CALN1: variants seen among roughly 807,000 people sequenced by gnomAD.
CALN1 encodes the protein calneuron 1.
CALN1 carries 17 observed loss-of-function variants against 30.6 expected under a neutral mutation model. The ratio of observed to expected loss-of-function variants is 0.56; its 90% CI spans 0.38 to 0.83. The LOEUF (loss-of-function observed/expected upper bound fraction) is 0.83, where lower values mean the gene tolerates loss of function less well. Among genes scored for constraint, CALN1 ranks in the 40% least tolerant of loss-of-function variants. CALN1 has a pLI of 0.00. For synonymous variants in CALN1, 156 were observed against 131.4 expected (o/e 1.19, Z -1.28); for missense variants, 291 against 354.9 (o/e 0.82, Z 1.45).
chr7:72,194,655 G>C (rs903951600), intron 3 of CALN1, among the ~76,000 whole-genome samples: 1 of 140,952 alleles, frequency 7.1e-6, no homozygotes, highest in Non-Finnish European at 1.5e-5. Context: ...GCAGTGGCAC[G>C]ATCTTGGCTC....
intron 3 of CALN1, among the ~76,000 whole-genome samples, chr7:72,180,097 A>T (rs1042726511): frequency 6.6e-6 from 1 of 152,196 alleles, no homozygotes; most frequent in Non-Finnish European, 1.5e-5. Flanking sequence ...CTTGTCGCAG[A>T]AACCGTGTCA....
At chr7:72,483,348 G>A in the CALN1 span, among the ~76,000 whole-genome samples, 1 of 143,912 alleles carries the variant, frequency 6.9e-6, no homozygotes, top group Non-Finnish European at 1.5e-5. Flanking sequence ...GCAGTGGCAC[G>A]ATCTCAGCTC....
At chr7:72,421,698 C>T (rs187257271) in intron 1 of CALN1, among the ~76,000 whole-genome samples, 13 of 151,246 alleles carry the variant, frequency 8.6e-5, no homozygotes, top group South Asian at 6.3e-4. Flanking sequence ...GTGGTTCTCC[C>T]GCCTCAGCCT....
intron 2 of CALN1, among the ~76,000 whole-genome samples, chr7:72,390,883 C>CA (rs1300041974): frequency 1.3e-5 from 2 of 152,144 alleles, no homozygotes; most frequent in African/African-American, 2.4e-5. Flanking sequence ...GTTGTTACCT[C>CA]AAGTATTCTA....
At chr7:72,094,250 T>C (rs922643724) in intron 4 of CALN1, among the ~76,000 whole-genome samples, 18 of 151,550 alleles carry the variant, frequency 1.2e-4, no homozygotes, top group East Asian at 2.0e-4. Flanking sequence ...GCTGCTCTTA[T>C]TGAAATAGGT....
intron 5 of CALN1, among the ~76,000 whole-genome samples, chr7:71,896,889 T>C (rs1441399836): frequency 1.3e-5 from 2 of 152,116 alleles, no homozygotes; most frequent in African/African-American, 2.4e-5. Flanking sequence ...GGGAGGAGGG[T>C]TCTCTTCTGC....
At chr7:72,431,427 C>T (rs1163521461) in intron 1 of CALN1, among the ~76,000 whole-genome samples, 1 of 152,182 alleles carries the variant, frequency 6.6e-6, no homozygotes, top group Non-Finnish European at 1.5e-5. Context: ...TGTACACCCA[C>T]ATGCACACAC....
chr7:71,863,612 C>T (rs147010246), intron 5 of CALN1, among the ~76,000 whole-genome samples: 190 of 147,792 alleles, frequency 1.3e-3, no homozygotes, highest in African/African-American at 4.5e-3. Context: ...CAACAAAACA[C>T]CCATACAAGC....
At position 71,902,950 on chromosome 7, in the gene CALN1, T is replaced by C. The variant is rs1025073862; in HGVS notation, c.502-92458A>G. Among the ~76,000 whole-genome samples the C allele has an allele frequency of 4.5e-4, 68 of 151,844 alleles. 1 individual carries two copies. The highest frequency in any genetic ancestry group is 4.5e-3 in the Admixed American group (68 of 15,240). ...ATACACATGGACATAGAGAGTAGAA[T>C]AGTAGACATTGGAAGCTTGGAAGGG... On this transcript the variant is annotated intron_variant, in intron 5 of 6. Transcript: ENST00000395275.
At chr7:72,409,733 T>G (rs570702183) in intron 1 of CALN1, among the ~76,000 whole-genome samples, 1 of 151,974 alleles carries the variant, frequency 6.6e-6, no homozygotes, top group Non-Finnish European at 1.5e-5. Flanking sequence ...GGTTAAATGG[T>G]TTTTAGCCTC....
At chr7:72,271,697 G>T (rs1368039301) in intron 3 of CALN1, among the ~76,000 whole-genome samples, 1 of 150,086 alleles carries the variant, frequency 6.7e-6, no homozygotes, top group Non-Finnish European at 1.5e-5. Context: ...GGGTACCAAG[G>T]CAGTGATGGA....
chr7:72,366,497 T>C (rs1032582153), intron 2 of CALN1, among the ~76,000 whole-genome samples: 6 of 150,926 alleles, frequency 4.0e-5, no homozygotes, highest in Non-Finnish European at 8.8e-5. Flanking sequence ...TTTCCAAAAA[T>C]TTCAATAGCT....
At chr7:71,805,069 ATCTTT>A (rs2116116833) in intron 6 of CALN1, among the ~76,000 whole-genome samples, 1 of 152,308 alleles carries the variant, frequency 6.6e-6, no homozygotes, top group Middle Eastern at 3.4e-3. Context: ...GCATTTTGAA[ATCTTT>A]TCCATGCTCC....
intron 5 of CALN1, among the ~76,000 whole-genome samples, chr7:71,934,467 C>G (rs1795725776): frequency 6.6e-6 from 1 of 152,170 alleles, no homozygotes; most frequent in African/African-American, 2.4e-5. Flanking sequence ...TACTTGGCTT[C>G]TGGTGAGACC....
intron 1 of CALN1, among the ~76,000 whole-genome samples, chr7:72,435,738 C>T (rs572608679): frequency 1.3e-5 from 2 of 152,252 alleles, no homozygotes; most frequent in Admixed American, 6.5e-5. Flanking sequence ...TGCACACAGG[C>T]GAAAATCAGT....
chr7:72,499,825 C>CTTT, the CALN1 span, among the ~76,000 whole-genome samples: 37 of 66,056 alleles, frequency 5.6e-4, no homozygotes, highest in Admixed American at 8.5e-4. Flanking sequence ...TTCCTTCCTT[C>CTTT]CTTCTTTCTT....
At chr7:72,330,721 A>G (rs1396939142) in intron 2 of CALN1, among the ~76,000 whole-genome samples, 1 of 152,192 alleles carries the variant, frequency 6.6e-6, no homozygotes, top group African/African-American at 2.4e-5. Flanking sequence ...GTGGTGCATG[A>G]GATAAAGTAA....
intron 4 of CALN1, among the ~76,000 whole-genome samples, chr7:72,051,335 A>G (rs897281835): frequency 2.0e-5 from 3 of 152,144 alleles, no homozygotes; most frequent in African/African-American, 7.2e-5. Flanking sequence ...TGTACTTTGT[A>G]TAACCAAAAG....
At chr7:72,346,814 C>T (rs1007486343) in intron 2 of CALN1, among the ~76,000 whole-genome samples, 1 of 152,024 alleles carries the variant, frequency 6.6e-6, no homozygotes, top group Admixed American at 6.6e-5. Flanking sequence ...AGCGCCCGGC[C>T]AAAATTTGTT....
Sources: gnomAD v4.1 joint callset for allele counts (sites outside exome capture counted in the v4.1 genomes callset) on GRCh38, gnomAD v4.1.1 for gene constraint, MANE v1.5 for transcripts, NCBI Gene and HGNC (gene_info 2026-07-23, HGNC 2026-07-21) for gene names.